The following HLCS variants were observed in gnomAD, a reference collection of about 807,000 sequenced individuals.
HLCS encodes the protein holocarboxylase synthetase, also known as biotin--protein ligase.
In HLCS, 53 loss-of-function variants were observed where a neutral mutation model predicts 75.0. The observed-to-expected ratio is 0.71, with a 90% CI of 0.57 to 0.89. The LOEUF (loss-of-function observed/expected upper bound fraction) is 0.89. Among genes scored for constraint, HLCS ranks in the 40% least tolerant of loss-of-function variants. The pLI is 0.00. For synonymous variants in HLCS, 431 were observed against 428.6 expected, an observed-to-expected ratio of 1.01 and a Z score of -0.07; for missense variants, 966 against 1,074.0, an observed-to-expected ratio of 0.90 and a Z score of 1.41.
intron 6 of HLCS, among the ~76,000 whole-genome samples, chr21:36,771,219 C>CAAATAAATAAAT (rs749446913): frequency 0.029 from 4,061 of 142,372 alleles, 98 homozygotes; most frequent in African/African-American, 0.071. Context: ...GACTCCGTCT[C>CAAATAAATAAAT]AAATAAATAA....
chr21:36,935,906 T>C (rs1468765621), intron 4 of HLCS, among the ~76,000 whole-genome samples: 1 of 152,164 alleles, frequency 6.6e-6, no homozygotes, highest in African/African-American at 2.4e-5. Flanking sequence ...TTATTTGAAG[T>C]TTTTCTTTTC....
At chr21:36,860,784 ATAAATGTT>A in intron 6 of HLCS, among the ~76,000 whole-genome samples, 1 of 152,370 alleles carries the variant, frequency 6.6e-6, no homozygotes, top group East Asian at 1.9e-4. Context: ...GTTTAGGGTA[ATAAATGTT>A]TCCCAGTGTT....
intron 2 of HLCS, chr21:36,947,599 A>G (rs1029086769): frequency 2.0e-6 from 2 of 985,328 alleles, no homozygotes; most frequent in Non-Finnish European, 2.4e-6. Context: ...GGCTGTCCCT[A>G]AACAAAGGAG....
chr21:36,760,063 A>G (rs2145745703), intron 8 of HLCS, among the ~76,000 whole-genome samples: 1 of 152,284 alleles, frequency 6.6e-6, no homozygotes, highest in South Asian at 2.1e-4. Context: ...AAACCCCAGC[A>G]TTCTTCCCCA....
At chr21:36,779,249 T>C (rs1456593678) in intron 6 of HLCS, among the ~76,000 whole-genome samples, 1 of 152,140 alleles carries the variant, frequency 6.6e-6, no homozygotes, top group African/African-American at 2.4e-5. Context: ...TTCATACCCC[T>C]GATGAATCAA....
At chr21:36,953,026 C>A (rs2067744523) in intron 2 of HLCS, among the ~76,000 whole-genome samples, 1 of 152,092 alleles carries the variant, frequency 6.6e-6, no homozygotes, top group Non-Finnish European at 1.5e-5. Context: ...CCTAAGTGAC[C>A]AAGGGGGCTA....
intron 6 of HLCS, among the ~76,000 whole-genome samples, chr21:36,768,144 G>C (rs2090107642): frequency 6.6e-6 from 1 of 152,342 alleles, no homozygotes; most frequent in South Asian, 2.1e-4. Context: ...GTTCGAGGTA[G>C]GATTCATCAA....
intron 6 of HLCS, among the ~76,000 whole-genome samples, chr21:36,793,278 G>A (rs1401938199): frequency 6.7e-6 from 1 of 149,292 alleles, no homozygotes; most frequent in Non-Finnish European, 1.5e-5. Context: ...GGAGAACACG[G>A]GACAGCAGGA....
intron 1 of HLCS, among the ~76,000 whole-genome samples, chr21:36,980,115 G>T (rs1230685822): frequency 6.7e-6 from 1 of 149,082 alleles, no homozygotes; most frequent in African/African-American, 2.5e-5. Flanking sequence ...TTGAGCCCAG[G>T]AGTTCAAGGC....
chr21:36,966,423 C>CCCG, intron 1 of HLCS, 21 bp downstream of exon 1: 5 of 458,632 alleles, frequency 1.1e-5, no homozygotes, highest in Non-Finnish European at 1.4e-5. Context: ...CCCGGGTCGC[C>CCCG]CGCCCGCCCG....
intron 6 of HLCS, among the ~76,000 whole-genome samples, chr21:36,843,614 G>C (rs1039737294): frequency 1.3e-5 from 2 of 152,090 alleles, no homozygotes; most frequent in Non-Finnish European, 2.9e-5. Flanking sequence ...ACTAATCTTA[G>C]TGAATTCAAA....
chr21:36,910,472 G>A (rs936544843), intron 5 of HLCS, among the ~76,000 whole-genome samples: 2 of 151,838 alleles, frequency 1.3e-5, no homozygotes, highest in Non-Finnish European at 1.5e-5. Context: ...CTTGAACTCC[G>A]GAGGTGGAGG....
intron 6 of HLCS, among the ~76,000 whole-genome samples, chr21:36,789,557 T>C (rs1267531645): frequency 1.3e-5 from 2 of 152,226 alleles, no homozygotes; most frequent in African/African-American, 2.4e-5. Flanking sequence ...TCTAAATTAG[T>C]GAAGACCAAA....
intron 1 of HLCS, among the ~76,000 whole-genome samples, chr21:36,980,054 AGGCTGGGTGTGGTGGTCCC>A (rs2069070126): frequency 7.2e-6 from 1 of 138,340 alleles, no homozygotes; most frequent in South Asian, 2.3e-4. Flanking sequence ...AAAAAAAAAA[AGGCTGGGTGTGGTGGTCCC>A]AGATACTCAG....
intron 6 of HLCS, among the ~76,000 whole-genome samples, chr21:36,773,015 G>C (rs1159527062): frequency 6.6e-6 from 1 of 150,406 alleles, no homozygotes; most frequent in African/African-American, 2.4e-5. Context: ...TGTGGAAGTA[G>C]AATTATATGA....
chr21:36,961,541 C>G (rs1402990045), intron 2 of HLCS, among the ~76,000 whole-genome samples: 3 of 151,980 alleles, frequency 2.0e-5, no homozygotes, highest in Non-Finnish European at 2.9e-5. Flanking sequence ...ATAAATTTTT[C>G]TAGCAGCCAC....
chr21:36,896,331 C>A (rs1439356501), intron 6 of HLCS, among the ~76,000 whole-genome samples: 3 of 152,228 alleles, frequency 2.0e-5, no homozygotes, highest in Non-Finnish European at 2.9e-5. Flanking sequence ...GCCTGGGTGA[C>A]AGAGCAAGAT....
chr21:36,792,346 G>C (rs1005610900), intron 6 of HLCS, among the ~76,000 whole-genome samples: 4 of 152,024 alleles, frequency 2.6e-5, no homozygotes, highest in Non-Finnish European at 4.4e-5. Context: ...TCAGTGGTCA[G>C]AGCAGAAGTA....
At chr21:36,941,126 C>T (rs1484229975) in intron 2 of HLCS, among the ~76,000 whole-genome samples, 1 of 152,154 alleles carries the variant, frequency 6.6e-6, no homozygotes, top group African/African-American at 2.4e-5. Context: ...GCAGGAGAAT[C>T]GCTTAAACCC....
Sources: allele counts gnomAD v4.1 joint callset (sites outside exome capture counted in the v4.1 genomes callset), GRCh38; gene constraint gnomAD v4.1.1; transcripts MANE v1.5; gene names NCBI Gene and HGNC (gene_info 2026-07-23, HGNC 2026-07-21).